TRAPPC9: variants seen among roughly 807,000 people sequenced by gnomAD.
TRAPPC9 encodes the protein IKK2 binding protein.
A neutral mutation model predicts 124.0 loss-of-function variants in TRAPPC9; 83 were observed. That is an observed-to-expected ratio of 0.67 (90% CI 0.56 to 0.80). The LOEUF (loss-of-function observed/expected upper bound fraction) is 0.80. TRAPPC9 is among the 30% of genes least tolerant of loss of function. TRAPPC9 has a pLI of 0.00. For missense variants in TRAPPC9, 1,302 were observed against 1,508.3 expected, an observed-to-expected ratio of 0.86 and a Z score of 2.27; for synonymous variants, 638 against 617.5, an observed-to-expected ratio of 1.03 and a Z score of -0.49.
chr8:140,438,510 G>C (rs2070895999), intron 3 of TRAPPC9, among the ~76,000 whole-genome samples: 1 of 152,138 alleles, frequency 6.6e-6, no homozygotes, highest in South Asian at 2.1e-4. Context: ...CAGAGGAAAA[G>C]GGAAAGTGTG....
In TRAPPC9 at chr8:139,804,535, C is replaced by G. The variant is rs564154940; in HGVS notation, c.3056-72333G>C. ...ACCCACCACCGCCACCACACACAAC[C>G]ACCACCACCCACCACCGCCACCAAG... On this transcript the variant is annotated intron_variant, in intron 21 of 22. Transcript: ENST00000438773. 3.5e-4 allele frequency among the ~76,000 whole-genome samples: 49 copies of G among 138,610 alleles called. 1 individual carries two copies. The highest frequency in any genetic ancestry group is 1.3e-3 in the African/African-American group (47 of 36,564). 90.9% of individuals were successfully genotyped at this position (138,610 alleles called of 152,430 possible).
intron 17 of TRAPPC9, among the ~76,000 whole-genome samples, chr8:140,163,597 T>C (rs374922055): frequency 6.6e-6 from 1 of 152,210 alleles, no homozygotes; most frequent in East Asian, 1.9e-4. Context: ...GGGAACGCTG[T>C]GCGGTGCATC....
chr8:139,755,783 A>C (rs1250497663), intron 21 of TRAPPC9, among the ~76,000 whole-genome samples: 9 of 130,582 alleles, frequency 6.9e-5, no homozygotes, highest in East Asian at 2.5e-4. Context: ...GGATGAGGAC[A>C]GCAGGTCGCA....
At chr8:140,103,557 G>A (rs533173813) in intron 17 of TRAPPC9, among the ~76,000 whole-genome samples, 4 of 152,266 alleles carry the variant, frequency 2.6e-5, no homozygotes, top group South Asian at 2.1e-4. Context: ...CCCTCCAACC[G>A]CAAAGAATTA....
chr8:140,237,923 A>G (rs2063762753), intron 16 of TRAPPC9, among the ~76,000 whole-genome samples: 1 of 152,254 alleles, frequency 6.6e-6, no homozygotes, highest in Admixed American at 6.5e-5. Context: ...AGTGACGCGG[A>G]CACGAGGAGA....
intron 17 of TRAPPC9, among the ~76,000 whole-genome samples, chr8:140,149,346 G>A (rs1428448562): frequency 1.3e-5 from 2 of 152,208 alleles, no homozygotes; most frequent in African/African-American, 4.8e-5. Context: ...GGGGCCAGGT[G>A]TGGTGGCTCA....
chr8:140,422,640 G>A (rs2070259254), intron 5 of TRAPPC9, among the ~76,000 whole-genome samples: 3 of 151,656 alleles, frequency 2.0e-5, no homozygotes, highest in Admixed American at 1.3e-4. Flanking sequence ...TATAATCCCA[G>A]CTGCTCAGGA....
chr8:139,750,216 C>T (rs1038873032), intron 21 of TRAPPC9, among the ~76,000 whole-genome samples: 2 of 152,078 alleles, frequency 1.3e-5, no homozygotes, highest in African/African-American at 2.4e-5. Context: ...GGCTTGAGCA[C>T]CCCAAAAGCT....
At position 139,986,514 on chromosome 8, in the gene TRAPPC9, C is replaced by T. The variant is rs182800050; in HGVS notation, c.2810+2212G>A. The stretch of plus-strand genomic sequence containing the variant: ...AAAAAGATTTACACTGAACACCCCC[C>T]ATATGCCCATTAAGAGACGCTACTG... On this transcript the variant is annotated intron_variant, in intron 19 of 22. Transcript: ENST00000438773. Among the ~76,000 whole-genome samples the T allele has an allele frequency of 2.4e-3, 364 of 152,256 alleles. 2 individuals are homozygous for T. The highest frequency in any genetic ancestry group is 4.2e-3 in the Non-Finnish European group (289 of 68,004).
At chr8:140,384,184 C>T (rs2068689530) in intron 7 of TRAPPC9, among the ~76,000 whole-genome samples, 1 of 152,052 alleles carries the variant, frequency 6.6e-6, no homozygotes, top group Non-Finnish European at 1.5e-5. Flanking sequence ...AAAGGAACAA[C>T]CAGTAACAGT....
intron 20 of TRAPPC9, among the ~76,000 whole-genome samples, chr8:139,897,728 C>T (rs1043363109): frequency 6.6e-6 from 1 of 152,228 alleles, no homozygotes; most frequent in African/African-American, 2.4e-5. Flanking sequence ...GTTTCAAATT[C>T]GGGGTCTGCT....
At chr8:140,334,720 A>C (rs1469939033) in intron 9 of TRAPPC9, among the ~76,000 whole-genome samples, 1 of 152,094 alleles carries the variant, frequency 6.6e-6, no homozygotes, top group African/African-American at 2.4e-5. Flanking sequence ...TTCTAGTAGC[A>C]TTGCCCAAAA....
At chr8:140,404,691 C>T (rs1048913481) in intron 6 of TRAPPC9, among the ~76,000 whole-genome samples, 10 of 151,902 alleles carry the variant, frequency 6.6e-5, no homozygotes, top group Middle Eastern at 3.4e-3. Flanking sequence ...TGTGTGTGTA[C>T]GTGCATGTGT....
At chr8:140,110,260 A>C (rs1261928156) in intron 17 of TRAPPC9, among the ~76,000 whole-genome samples, 2 of 44,000 alleles carry the variant, frequency 4.5e-5, no homozygotes, top group African/African-American at 1.9e-4. Flanking sequence ...TCCCCCCTGC[A>C]CCCCCTGCAG....
intron 5 of TRAPPC9, among the ~76,000 whole-genome samples, chr8:140,420,850 A>C (rs1355875360): frequency 6.6e-6 from 1 of 152,250 alleles, no homozygotes; most frequent in Non-Finnish European, 1.5e-5. Flanking sequence ...ATTCATTTTC[A>C]AAAGTTCTAG....
intron 21 of TRAPPC9, among the ~76,000 whole-genome samples, chr8:139,880,618 C>T (rs1053658329): frequency 4.6e-5 from 7 of 152,168 alleles, no homozygotes; most frequent in Middle Eastern, 3.2e-3. Context: ...ACGTCACAAT[C>T]GAGAGTCACG....
At chr8:140,364,820 TC>T (rs2068063338) in intron 8 of TRAPPC9, among the ~76,000 whole-genome samples, 1 of 151,832 alleles carries the variant, frequency 6.6e-6, no homozygotes, top group Non-Finnish European at 1.5e-5. Flanking sequence ...GATCCACCCA[TC>T]TTGACCTCCC....
intron 9 of TRAPPC9, among the ~76,000 whole-genome samples, chr8:140,325,771 C>A (rs1000494994): frequency 6.6e-6 from 1 of 152,110 alleles, no homozygotes; most frequent in Non-Finnish European, 1.5e-5. Flanking sequence ...GCCAGCACAA[C>A]CCTGACACCA....
chr8:140,455,516 C>T (rs1168037677), intron 1 of TRAPPC9, among the ~76,000 whole-genome samples: 2 of 148,080 alleles, frequency 1.4e-5, no homozygotes, highest in African/African-American at 2.5e-5. Flanking sequence ...CTGCAAACTC[C>T]GCCTCCCAGG....
Sources: gnomAD v4.1 joint callset for allele counts (sites outside exome capture counted in the v4.1 genomes callset) on GRCh38, gnomAD v4.1.1 for gene constraint, MANE v1.5 for transcripts, NCBI Gene and HGNC (gene_info 2026-07-23, HGNC 2026-07-21) for gene names.